TCOF1: variants seen among roughly 807,000 people sequenced by gnomAD.
The protein encoded by TCOF1 is treacle protein.
A neutral mutation model predicts 149.0 loss-of-function variants in TCOF1; 33 were observed. That is an observed-to-expected ratio of 0.22 (90% CI 0.17 to 0.30). TCOF1 has a LOEUF of 0.30. Among genes scored for constraint, TCOF1 ranks in the 10% least tolerant of loss-of-function variants. TCOF1 has a pLI of 1.00. For synonymous variants in TCOF1, 789 were observed against 738.8 expected (o/e 1.07, Z -1.10); for missense variants, 1,728 against 1,840.7 (o/e 0.94, Z 1.12).
intron 18 of TCOF1, among the ~76,000 whole-genome samples, chr5:150,389,670 C>T (rs1767014501): frequency 6.6e-6 from 1 of 152,216 alleles, no homozygotes; most frequent in African/African-American, 2.4e-5. Flanking sequence ...GGGTCACCCC[C>T]AGAGCAGCCA....
intron 2 of TCOF1, among the ~76,000 whole-genome samples, chr5:150,362,496 C>T (rs1052959662): frequency 5.3e-5 from 8 of 152,208 alleles, no homozygotes; most frequent in African/African-American, 1.2e-4. Flanking sequence ...TCTGAGGCCC[C>T]GGAGACAGAA....
chr5:150,375,376 C>T lies in TCOF1; in HGVS notation c.1526C>T (p.Ala509Val), dbSNP rs201484206. ...GGGAAAAGCCCCCAGGTGAAACCTG[C>T]CTCTACCATGGGCATGGGGCCCTTG... The part of the protein sequence containing the change: ...PLGKSPQVKP[A>V]STMGMGPLGK... The change falls in exon 11 of 27, where the codon GCC (alanine) becomes GTC (valine). Residue 509 changes from alanine to valine, a missense_variant. By Grantham distance (64) the Ala-to-Val change is moderately conservative. Transcript: ENST00000643257. The T allele has an allele frequency of 3.1e-6, 5 of 1,612,424 alleles. No individual in the cohort carries two copies. In the African/African-American group the frequency reaches 6.7e-5, roughly 21 times the overall value.
At chr5:150,383,032 C>A in intron 17 of TCOF1, 1 of 1,509,984 alleles carries the variant, frequency 6.6e-7, no homozygotes, top group South Asian at 1.2e-5. Context: ...ACTCCCCGAC[C>A]ACGTGCTTAT....
chr5:150,364,201 T>A lies in TCOF1; in HGVS notation c.253T>A (p.Ser85Thr), dbSNP rs745360259. The A allele has an allele frequency of 6.2e-7, 1 of 1,614,006 alleles. No individual in the cohort carries two copies. Among genetic ancestry groups the A allele is most frequent in the South Asian group, 1.1e-5 (1 of 91,068 alleles). ...KTRVSDPISTSESSEEEEEAE... is the reference protein window; with the variant it reads ...KTRVSDPISTTESSEEEEEAE... ...CCGTGTGTCAGACCCCATCAGCACCTCGGAGAGCTCGGAAGAGGAGGAAGA... is the reference window on the plus strand; with the variant it reads ...CCGTGTGTCAGACCCCATCAGCACCACGGAGAGCTCGGAAGAGGAGGAAGA... The change falls in exon 3 of 27, where the codon TCG (serine) becomes ACG (threonine). Residue 85 changes from serine to threonine, a missense_variant. Physicochemically the swap from Ser to Thr is moderately conservative, Grantham distance 58. Around this residue, in one of 2 missense-constraint regions of TCOF1, gnomAD observed 1,696 missense variants for 1,765.4 expected, o/e 0.96. Transcript: ENST00000643257.
In TCOF1 at chr5:150,359,113, G is replaced by A. The variant is rs370556200; in HGVS notation, c.108+1259G>A. ...TGTAATCCCAGCACTTTGGGAGGCC[G>A]AGGCAGGCGGATCACTTGAGGCCAG... On this transcript the variant is annotated intron_variant, in intron 1 of 26. Coordinates refer to ENST00000643257, the MANE Select transcript of TCOF1 (RefSeq NM_001371623.1). 1.9e-4 allele frequency among the ~76,000 whole-genome samples: 29 copies of A among 152,242 alleles called. No individual in the cohort carries two copies. In the East Asian group the frequency reaches 2.1e-3, roughly 11 times the overall value.
intron 12 of TCOF1, 69 bp downstream of exon 12, chr5:150,375,978 C>T: frequency 6.2e-7 from 1 of 1,613,896 alleles, no homozygotes; most frequent in Non-Finnish European, 8.5e-7. Context: ...CCCCGGGGAG[C>T]TGTGCTCCCT....
chr5:150,379,363 TGAG>T lies in TCOF1; in HGVS notation c.2620_2622del (p.Glu874del), dbSNP rs899503968. 1.2e-6 allele frequency: 2 copies of T among 1,610,868 alleles called. No homozygotes were observed. Among genetic ancestry groups the T allele is most frequent in the Non-Finnish European group, 1.7e-6 (2 of 1,178,972 alleles). On this transcript the variant is annotated inframe_deletion, in exon 16 of 27. Transcript: ENST00000643257. The stretch of plus-strand genomic sequence containing the variant: ...GGCCAGAGGAGGACTCAGGGAGCAG[TGAG>T]GAGGAGTCAGACAGTGAGGAGGAGG...
In TCOF1 at chr5:150,369,552, G is replaced by A. The variant is rs200401482; in HGVS notation, c.589G>A (p.Asp197Asn). The A allele has an allele frequency of 1.8e-5, 29 of 1,614,108 alleles. No individual in the cohort carries two copies. Among genetic ancestry groups the A allele is most frequent in the Middle Eastern group, 1.6e-4 (1 of 6,062 alleles). ...AGGGATGGTGTCAGCGGGCCAGGCC[G>A]ACAGCTCCAGCGAGGACACCTCCAG... ...KPGMVSAGQA[D>N]SSSEDTSSSS... is the part of the protein sequence containing the mutation. The change falls in exon 6 of 27, where the codon GAC becomes AAC. Residue 197 changes from aspartate to asparagine, a missense_variant. By Grantham distance (23) the Asp-to-Asn change is conservative. Around this residue, in one of 2 missense-constraint regions of TCOF1, gnomAD observed 1,696 missense variants for 1,765.4 expected, o/e 0.96. Transcript: ENST00000643257.
chr5:150,399,626 G>A (rs1769370664), intron 26 of TCOF1, among the ~76,000 whole-genome samples, 184 bp from the exon 27 acceptor site: 1 of 152,188 alleles, frequency 6.6e-6, no homozygotes, highest in South Asian at 2.1e-4. Context: ...GGCCAGTGGT[G>A]AGGCTTATGT....
At chr5:150,397,566 G>A (rs1166465718) in intron 24 of TCOF1, among the ~76,000 whole-genome samples, 2 of 152,140 alleles carry the variant, frequency 1.3e-5, no homozygotes, top group Middle Eastern at 3.2e-3. Flanking sequence ...GCTGTTCAGG[G>A]CCACAGAGTT....
At position 150,396,685 on chromosome 5, in the gene TCOF1, A is replaced by G. The variant is rs1768595520; in HGVS notation, c.4188A>G (p.Ala1396=). 1 of 1,612,774 alleles carries G rather than the reference A, an allele frequency of 6.2e-7. No individual in the cohort carries two copies. Among genetic ancestry groups the G allele is most frequent in the African/African-American group, 1.3e-5 (1 of 75,022 alleles). Residue 1396 remains alanine, a synonymous_variant, in exon 24 of 27, where the codon GCA becomes GCG. Coordinates refer to ENST00000643257, the MANE Select transcript of TCOF1 (RefSeq NM_001371623.1). The part of the protein sequence containing the change: ...TSKGKAKRDK[A]SGDVKEKKGK... ...AGGGGAAAGCAAAGAGAGACAAAGC[A>G]AGTGGTGATGTCAAGGAGAAGAAAG...
chr5:150,359,625 T>A (rs1320215906), intron 1 of TCOF1, among the ~76,000 whole-genome samples: 1 of 152,136 alleles, frequency 6.6e-6, no homozygotes. Flanking sequence ...TATGTATGCT[T>A]TTCCCAGTTT....
intron 17 of TCOF1, chr5:150,384,054 C>T: frequency 7.5e-7 from 1 of 1,334,508 alleles, no homozygotes; most frequent in Non-Finnish European, 9.6e-7. Flanking sequence ...GTCCCAGGGC[C>T]TAACCACAGA....
At position 150,393,569 on chromosome 5, in the gene TCOF1, A is replaced by AG; in HGVS notation, c.3784+19dup. On this transcript the variant is annotated intron_variant, in intron 23 of 26. Coordinates refer to ENST00000643257, the MANE Select transcript of TCOF1 (RefSeq NM_001371623.1). The stretch of plus-strand genomic sequence containing the variant: ...CTAAAACAGGTAAGTTAAGGTCTGC[A>AG]GGAGGGACATAGCAGGACACAGAGG... 1.9e-6 allele frequency: 3 copies of AG among 1,614,170 alleles called. No individual in the cohort carries two copies. The highest frequency in any genetic ancestry group is 1.7e-6 in the Non-Finnish European group (2 of 1,180,018).
intron 25 of TCOF1, 47 bp from the exon 26 acceptor site, chr5:150,398,975 G>A (rs1180985276): frequency 1.2e-6 from 2 of 1,614,086 alleles, no homozygotes; most frequent in South Asian, 2.2e-5. Context: ...GCAGTGGGTG[G>A]GGAAAAGCTG....
chr5:150,386,390 T>C (rs914393985), intron 17 of TCOF1, among the ~76,000 whole-genome samples: 2 of 152,182 alleles, frequency 1.3e-5, no homozygotes, highest in Non-Finnish European at 2.9e-5. Context: ...ATCCTTCTCT[T>C]TTTTATATCG....
chr5:150,364,291 T>C (rs779645531), intron 3 of TCOF1, 39 bp downstream of exon 3: 27 of 1,613,320 alleles, frequency 1.7e-5, no homozygotes, highest in Non-Finnish European at 2.2e-5. Flanking sequence ...CTATGGAATA[T>C]TGATTGTTCT....
At chr5:150,374,069 G>A in intron 7 of TCOF1, 105 bp from the exon 8 acceptor site, 2 of 1,251,564 alleles carry the variant, frequency 1.6e-6, no homozygotes, top group Middle Eastern at 4.6e-4. Context: ...GAGGGAAGCA[G>A]GGGAGGTCTT....
At chr5:150,383,076 C>T in intron 17 of TCOF1, 1 of 1,535,910 alleles carries the variant, frequency 6.5e-7, no homozygotes, top group South Asian at 1.2e-5. Context: ...ACAGTAACTC[C>T]AAACCTGCCA....
Sources: allele counts gnomAD v4.1 joint callset (sites outside exome capture counted in the v4.1 genomes callset), GRCh38; gene constraint gnomAD v4.1.1; regional missense constraint gnomAD v4.1.1; transcripts MANE v1.5; gene names NCBI Gene and HGNC (gene_info 2026-07-23, HGNC 2026-07-21).